The following IL1RAPL2 variants were observed in gnomAD, a reference collection of about 807,000 sequenced individuals.
IL1RAPL2 encodes the protein X-linked interleukin-1 receptor accessory protein-like 2.
Under a neutral mutation model 44.1 loss-of-function variants are expected in IL1RAPL2, and 3 were observed. The ratio of observed to expected loss-of-function variants is 0.07; its 90% confidence interval spans 0.03 to 0.18. The LOEUF (loss-of-function observed/expected upper bound fraction) is 0.18, where lower values mean the gene tolerates loss of function less well. Ranked by LOEUF, IL1RAPL2 falls within the 10% of genes least tolerant of loss-of-function variation. The pLI is 1.00. For synonymous variants in IL1RAPL2, 181 were observed against 178.8 expected (o/e 1.01, Z -0.10); for missense variants, 391 against 496.4 (o/e 0.79, Z 2.02).
chrX:105,668,690 G>A (rs1220813233), intron 6 of IL1RAPL2, among the ~76,000 whole-genome samples: 3 of 112,067 alleles, frequency 2.7e-5, no homozygotes, highest in Admixed American at 9.5e-5. Context: ...GTTTTGATCT[G>A]CCTTAGAGGT....
intron 4 of IL1RAPL2, among the ~76,000 whole-genome samples, chrX:105,253,329 T>C (rs1017504915): frequency 9.0e-6 from 1 of 111,153 alleles, no homozygotes; most frequent in Non-Finnish European, 1.9e-5. Context: ...CTCAGCTATG[T>C]AGTCTATTAA....
At chrX:104,941,479 C>T (rs914853703) in intron 2 of IL1RAPL2, among the ~76,000 whole-genome samples, 2 of 111,868 alleles carry the variant, frequency 1.8e-5, no homozygotes, top group Non-Finnish European at 3.8e-5. Flanking sequence ...TTTCATGTGT[C>T]TGTTGGCTGC....
chrX:105,240,473 G>A (rs1230333574), intron 4 of IL1RAPL2, among the ~76,000 whole-genome samples: 1 of 112,270 alleles, frequency 8.9e-6, no homozygotes, highest in Admixed American at 9.5e-5. Flanking sequence ...TTTCATTGAA[G>A]TTCCAGGAAT....
At chrX:104,746,319 CT>C (rs1932174682) in intron 2 of IL1RAPL2, among the ~76,000 whole-genome samples, 1 of 111,149 alleles carries the variant, frequency 9.0e-6, no homozygotes, top group Non-Finnish European at 1.9e-5. Context: ...CCATAATTAT[CT>C]CAGATAATGC....
At chrX:104,828,015 A>T (rs1921503671) in intron 2 of IL1RAPL2, among the ~76,000 whole-genome samples, 1 of 111,847 alleles carries the variant, frequency 8.9e-6, no homozygotes, top group Admixed American at 9.5e-5. Context: ...TATTCTAGTT[A>T]GCAATTCCTC....
chrX:105,218,114 C>A (rs2147623578), intron 3 of IL1RAPL2, among the ~76,000 whole-genome samples: 1 of 111,327 alleles, frequency 9.0e-6, no homozygotes, highest in Non-Finnish European at 1.9e-5. Flanking sequence ...AAAAAAAAAT[C>A]TGTCCACCCA....
intron 5 of IL1RAPL2, among the ~76,000 whole-genome samples, chrX:105,450,166 T>G (rs1352820547): frequency 8.9e-6 from 1 of 112,080 alleles, no homozygotes; most frequent in Non-Finnish European, 1.9e-5. Context: ...AAGCCCAACA[T>G]GGCTTTATTC....
chrX:104,964,125 TA>T (rs1302831517), intron 2 of IL1RAPL2, among the ~76,000 whole-genome samples: 2 of 110,324 alleles, frequency 1.8e-5, no homozygotes, highest in Non-Finnish European at 3.8e-5. Context: ...TCAGAACTAA[TA>T]TCCATTTATA....
intron 2 of IL1RAPL2, among the ~76,000 whole-genome samples, chrX:104,814,457 A>G (rs1921081741): frequency 8.9e-6 from 1 of 112,323 alleles, no homozygotes; most frequent in Admixed American, 9.4e-5. Context: ...GACTATAACC[A>G]TACTTATATT....
intron 5 of IL1RAPL2, among the ~76,000 whole-genome samples, chrX:105,399,482 A>G (rs2035590191): frequency 9.0e-6 from 1 of 110,621 alleles, no homozygotes; most frequent in African/African-American, 3.3e-5. Flanking sequence ...TGATCACCCT[A>G]TATTGTAATT....
chrX:105,321,631 G>A (rs186865204), intron 5 of IL1RAPL2, among the ~76,000 whole-genome samples: 11 of 112,061 alleles, frequency 9.8e-5, no homozygotes, highest in South Asian at 3.7e-4. Flanking sequence ...GTGGTAGGTC[G>A]TTCTATAAAT....
intron 5 of IL1RAPL2, among the ~76,000 whole-genome samples, chrX:105,297,480 G>A (rs766531483): frequency 1.8e-5 from 2 of 110,914 alleles, no homozygotes; most frequent in Non-Finnish European, 1.9e-5. Flanking sequence ...GCATGGCTGG[G>A]GGGTGCCTCA....
rs754792520 is a variant in IL1RAPL2 at position 104,893,925 on chromosome X, C to T, written c.82+234930C>T. Among the ~76,000 whole-genome samples the T allele has an allele frequency of 1.9e-4, 21 of 111,655 alleles. No individual in the cohort carries two copies. The East Asian group carries it at 5.6e-3, about 30-fold the overall frequency. Reference sequence around the variant, plus strand: ...GGCATGTTTTTGCAGTGGCTGGTACCGGTTGTTCCTTTCCATGTTTAGTCC... The same window carrying T: ...GGCATGTTTTTGCAGTGGCTGGTACTGGTTGTTCCTTTCCATGTTTAGTCC... On this transcript the variant is annotated intron_variant, in intron 2 of 10. Transcript: ENST00000372582.
At chrX:105,398,578 A>G (rs1010429148) in intron 5 of IL1RAPL2, among the ~76,000 whole-genome samples, 6 of 111,039 alleles carry the variant, frequency 5.4e-5, no homozygotes, top group African/African-American at 1.6e-4. Flanking sequence ...ATAATTTGCT[A>G]TATTTATTTC....
intron 2 of IL1RAPL2, among the ~76,000 whole-genome samples, chrX:104,956,695 G>T (rs1461010238): frequency 9.0e-6 from 1 of 111,040 alleles, no homozygotes; most frequent in African/African-American, 3.3e-5. Flanking sequence ...TAATTCTGTG[G>T]CTTTCTTCAT....
At chrX:104,908,249 C>G (rs1924098742) in intron 2 of IL1RAPL2, among the ~76,000 whole-genome samples, 1 of 111,860 alleles carries the variant, frequency 8.9e-6, no homozygotes, top group Non-Finnish European at 1.9e-5. Flanking sequence ...GATCTTGACT[C>G]TTTATCCAAT....
In IL1RAPL2 at chrX:105,719,078, CA is replaced by C. The variant is rs1299045800; in HGVS notation, c.902+1588del. ...CAAAGTAAATCAAAACATATATCTA[CA>C]AAAAACTGGTCCATGAATGTTCATA... On this transcript the variant is annotated intron_variant, in intron 7 of 10. Transcript: ENST00000372582. Among the ~76,000 whole-genome samples, 3 of 111,605 alleles carry C rather than the reference CA, an allele frequency of 2.7e-5. No homozygotes were observed. In the Admixed American group the frequency reaches 2.9e-4, roughly 11 times the overall value.
At chrX:105,336,165 C>T (rs890248700) in intron 5 of IL1RAPL2, among the ~76,000 whole-genome samples, 4 of 111,975 alleles carry the variant, frequency 3.6e-5, no homozygotes, top group East Asian at 2.8e-4. Context: ...GAGAGCCATT[C>T]GGCTCAAAAG....
intron 2 of IL1RAPL2, among the ~76,000 whole-genome samples, chrX:104,884,439 G>C (rs1279573246): frequency 9.0e-6 from 1 of 111,615 alleles, no homozygotes; most frequent in East Asian, 2.8e-4. Context: ...TCTTGGGCAG[G>C]GGAAGAAACA....
Sources: gnomAD v4.1 joint callset for allele counts (sites outside exome capture counted in the v4.1 genomes callset) on GRCh38, gnomAD v4.1.1 for gene constraint, MANE v1.5 for transcripts, NCBI Gene and HGNC (gene_info 2026-07-23, HGNC 2026-07-21) for gene names.